Variants in DGLUCY observed in about 807,000 individuals in gnomAD.
The protein encoded by DGLUCY is D-glutamate cyclase, mitochondrial.
In DGLUCY, 58 loss-of-function variants were observed where a neutral mutation model predicts 58.5. The ratio of observed to expected loss-of-function variants is 0.99; its 90% CI spans 0.80 to 1.23. The LOEUF (loss-of-function observed/expected upper bound fraction) is 1.23, where lower values mean the gene tolerates loss of function less well. DGLUCY is among the 50% of genes most tolerant of loss of function. The pLI, the probability that DGLUCY is intolerant of heterozygous loss-of-function variation, is 0.00. For synonymous variants in DGLUCY, 325 were observed against 314.1 expected (o/e 1.03, Z -0.37); for missense variants, 779 against 784.7 (o/e 0.99, Z 0.09).
chr14:91,155,250 C>T (rs1037851636), intron 1 of DGLUCY, among the ~76,000 whole-genome samples: 1 of 152,204 alleles, frequency 6.6e-6, no homozygotes, highest in Non-Finnish European at 1.5e-5. Context: ...CTGTCTTATT[C>T]ACCACTGTGT....
intron 11 of DGLUCY, among the ~76,000 whole-genome samples, chr14:91,204,209 G>A (rs2050741721): frequency 1.3e-5 from 2 of 152,226 alleles, no homozygotes; most frequent in African/African-American, 2.4e-5. Context: ...CTTGGAGTGT[G>A]TATTCCTGAT....
intron 13 of DGLUCY, among the ~76,000 whole-genome samples, chr14:91,217,603 G>A (rs1473569924): frequency 6.7e-6 from 1 of 149,910 alleles, no homozygotes; most frequent in Non-Finnish European, 1.5e-5. Context: ...TCCTGCCTTA[G>A]CCTCTCGAGT....
chr14:91,091,881 C>G (rs147531008), intron 1 of DGLUCY, among the ~76,000 whole-genome samples: 1 of 152,282 alleles, frequency 6.6e-6, no homozygotes, highest in East Asian at 1.9e-4. Context: ...TCCTTCAACT[C>G]TCCTCTGCTC....
intron 12 of DGLUCY, 50 bp from the exon 13 acceptor site, chr14:91,215,355 G>A (rs766555750): frequency 5.8e-6 from 9 of 1,558,676 alleles, no homozygotes; most frequent in Non-Finnish European, 7.0e-6. Flanking sequence ...CAGGCTGACA[G>A]ACACATGACT....
intron 6 of DGLUCY, among the ~76,000 whole-genome samples, chr14:91,174,366 T>C (rs1450140475): frequency 1.3e-5 from 2 of 152,194 alleles, no homozygotes; most frequent in African/African-American, 4.8e-5. Flanking sequence ...AGTGCAGCGT[T>C]GCAATCTCAG....
rs144146774 is a variant in DGLUCY at position 91,134,585 on chromosome 14, G to C, written c.-82+20302G>C. ...CCCGAGTAGCTGGGACTACAGGCCT[G>C]TGCCATCACGTTCGGCTAATTTTTG... On this transcript the variant is annotated intron_variant, in intron 1 of 13. Coordinates refer to ENST00000256324, the MANE Select transcript of DGLUCY (RefSeq NM_001102368.3). Among the ~76,000 whole-genome samples, 63 of 151,888 alleles carry C rather than the reference G, an allele frequency of 4.1e-4. 1 individual carries two copies. The Middle Eastern group carries it at 0.017, about 41-fold the overall frequency.
At chr14:91,178,078 C>T (rs1266477169) in intron 7 of DGLUCY, among the ~76,000 whole-genome samples, 3 of 152,244 alleles carry the variant, frequency 2.0e-5, no homozygotes, top group Admixed American at 2.0e-4. Context: ...TGGCATGTTC[C>T]AGTCCTTTAG....
At position 91,197,719 on chromosome 14, in the gene DGLUCY, A is replaced by G. The variant is rs143918048; in HGVS notation, c.1295+1245A>G. The stretch of plus-strand genomic sequence containing the variant: ...GTTCATTCATGTCACAGCATGTGCC[A>G]GAATGTCCTGCCTTTTTAAGGCTGA... On this transcript the variant is annotated intron_variant, in intron 10 of 13. Transcript: ENST00000256324. 5.1e-4 allele frequency among the ~76,000 whole-genome samples: 77 copies of G among 152,374 alleles called. No individual in the cohort carries two copies. In the East Asian group the frequency reaches 9.1e-3, roughly 18 times the overall value.
chr14:91,104,166 C>T (rs1224189462), upstream of DGLUCY, among the ~76,000 whole-genome samples: 1 of 150,544 alleles, frequency 6.6e-6, no homozygotes, highest in Non-Finnish European at 1.5e-5. Flanking sequence ...GGGTTCACAC[C>T]ATTCTCCTGC....
chr14:91,190,956 C>T lies in DGLUCY; in HGVS notation c.1195+1786C>T, dbSNP rs571961521. Reference sequence around the variant, plus strand: ...AGGAGGACGGTTTGGAGTGGGGGTGCCTCATGGCACATCCCTTCAGCCGCA... The same window carrying T: ...AGGAGGACGGTTTGGAGTGGGGGTGTCTCATGGCACATCCCTTCAGCCGCA... On this transcript the variant is annotated intron_variant, in intron 9 of 13. Coordinates refer to ENST00000256324, the MANE Select transcript of DGLUCY (RefSeq NM_001102368.3). 7.2e-5 allele frequency among the ~76,000 whole-genome samples: 11 copies of T among 152,236 alleles called. No individual in the cohort carries two copies. The East Asian group carries it at 7.7e-4, about 11-fold the overall frequency.
intron 8 of DGLUCY, among the ~76,000 whole-genome samples, chr14:91,182,376 TG>T: frequency 6.6e-6 from 1 of 152,116 alleles, no homozygotes; most frequent in East Asian, 1.9e-4. Context: ...CAGAAGCAGA[TG>T]GGGTTAGGTA....
upstream of DGLUCY, among the ~76,000 whole-genome samples, chr14:91,111,285 TA>T (rs1351321064): frequency 8.2e-5 from 4 of 48,852 alleles, no homozygotes; most frequent in Non-Finnish European, 1.4e-4. Flanking sequence ...TATATATATA[TA>T]TATATTTTTT....
intron 11 of DGLUCY, among the ~76,000 whole-genome samples, chr14:91,201,012 G>A (rs1010117944): frequency 3.3e-5 from 5 of 151,974 alleles, no homozygotes; most frequent in African/African-American, 1.2e-4. Context: ...ATATTACAAA[G>A]TACCTTCTCA....
chr14:91,083,001 T>C (rs1392153923), intron 1 of DGLUCY, among the ~76,000 whole-genome samples: 2 of 152,138 alleles, frequency 1.3e-5, no homozygotes, highest in Non-Finnish European at 2.9e-5. Flanking sequence ...CAAGTGATCC[T>C]CCTGCGTTGG....
chr14:91,062,592 T>TAC (rs1566925623), intron 1 of DGLUCY, among the ~76,000 whole-genome samples: 1 of 26,718 alleles, frequency 3.7e-5, no homozygotes, highest in Non-Finnish European at 7.7e-5. Context: ...TATATATATA[T>TAC]ATATATATAT....
chr14:91,079,147 G>A (rs1245307228), intron 1 of DGLUCY, among the ~76,000 whole-genome samples: 3 of 151,692 alleles, frequency 2.0e-5, no homozygotes, highest in Non-Finnish European at 2.9e-5. Context: ...CAAGTGATCT[G>A]CCCGCCTTGG....
intron 1 of DGLUCY, among the ~76,000 whole-genome samples, chr14:91,074,294 CAAA>C (rs55872945): frequency 0.23 from 23,613 of 102,704 alleles, 2,454 homozygotes; most frequent in Admixed American, 0.27. Context: ...TACCCTGTCT[CAAA>C]AAAAAAAAAA....
intron 1 of DGLUCY, among the ~76,000 whole-genome samples, chr14:91,064,622 CAAAAAAAA>C (rs35830145): frequency 6.9e-5 from 4 of 57,616 alleles, no homozygotes; most frequent in Non-Finnish European, 1.4e-4. Flanking sequence ...GACTCTGTCT[CAAAAAAAA>C]AAAAAAAAAA....
At chr14:91,153,417 A>C (rs1411714381) in intron 1 of DGLUCY, among the ~76,000 whole-genome samples, 4 of 152,128 alleles carry the variant, frequency 2.6e-5, no homozygotes, top group Non-Finnish European at 4.4e-5. Context: ...TCCTGTCCTC[A>C]AGTGATCCGC....
Sources: allele counts gnomAD v4.1 joint callset (sites outside exome capture counted in the v4.1 genomes callset), GRCh38; gene constraint gnomAD v4.1.1; transcripts MANE v1.5; gene names NCBI Gene and HGNC (gene_info 2026-07-23, HGNC 2026-07-21).